The following DCLK3 variants were observed in gnomAD, a reference collection of about 807,000 sequenced individuals.
The protein encoded by DCLK3 is serine/threonine-protein kinase DCLK3.
A neutral mutation model predicts 46.4 loss-of-function variants in DCLK3; 30 were observed. The observed-to-expected ratio is 0.65, with a 90% CI of 0.48 to 0.88. DCLK3 has a LOEUF of 0.88. DCLK3 is among the 40% of genes least tolerant of loss of function. The pLI, the probability that DCLK3 is intolerant of heterozygous loss-of-function variation, is 0.00. For missense variants in DCLK3, 846 were observed against 907.1 expected, an observed-to-expected ratio of 0.93 and a Z score of 0.87; for synonymous variants, 401 against 339.2, an observed-to-expected ratio of 1.18 and a Z score of -2.00.
intron 2 of DCLK3, among the ~76,000 whole-genome samples, chr3:36,726,686 T>C (rs1235917165): frequency 2.0e-5 from 3 of 152,192 alleles, no homozygotes; most frequent in African/African-American, 7.2e-5. Flanking sequence ...TCTTAATTGC[T>C]GAGCCCCAGT....
In DCLK3 at chr3:36,713,804, G is replaced by A. The variant is rs892274199; in HGVS notation, c.*1524C>T. On this transcript the variant is annotated 3_prime_UTR_variant, in exon 5 of 5. Coordinates refer to ENST00000636136, the MANE Select transcript of DCLK3 (RefSeq NM_001394672.2). ...ACCCCCATGGGCAGGTCCGTAGTTGGATGGCCCTTCAGTATTGTCCCTGTT... is the reference window on the plus strand; with the variant it reads ...ACCCCCATGGGCAGGTCCGTAGTTGAATGGCCCTTCAGTATTGTCCCTGTT... 2 of 152,302 alleles carry A rather than the reference G, an allele frequency of 1.3e-5. No homozygotes were observed. Among genetic ancestry groups the A allele is most frequent in the African/African-American group, 4.8e-5 (2 of 41,456 alleles). 9.4% of individuals were successfully genotyped at this position (152,302 alleles called of 1,614,324 possible).
intron 1 of DCLK3, among the ~76,000 whole-genome samples, chr3:36,751,063 T>A (rs2102398): frequency 0.012 from 925 of 76,300 alleles, 4 homozygotes; most frequent in Middle Eastern, 0.031. Flanking sequence ...CGGGATGATC[T>A]AAAAAAAAAA....
At chr3:36,760,793 C>T (rs976513986) in intron 1 of DCLK3, among the ~76,000 whole-genome samples, 3 of 152,190 alleles carry the variant, frequency 2.0e-5, no homozygotes, top group Non-Finnish European at 2.9e-5. Context: ...GGCAGCCAAA[C>T]AGAATCCATT....
At position 36,764,269 on chromosome 3, in the gene DCLK3, G is replaced by A. The variant is rs1701565819; in HGVS notation, c.-6C>T. The A allele has an allele frequency of 2.0e-5, 5 of 245,914 alleles. No individual in the cohort carries two copies. Among genetic ancestry groups the A allele is most frequent in the Admixed American group, 5.6e-5 (1 of 17,944 alleles). The allele number at this position is 245,914 out of a possible 1,614,324, so 15.2% of individuals were successfully genotyped here. On this transcript the variant is annotated 5_prime_UTR_variant, in exon 1 of 5. Transcript: ENST00000636136. This position sits in a 1 kb window ranked among gnomAD's most constrained non-coding sequence, Gnocchi z 4.9. The stretch of plus-strand genomic sequence containing the variant: ...GCTGGAGTGGCGGCGGGCATGGCGC[G>A]GCGGCGGGCTCGGGGAGAGCCTGGA...
rs941481091 is a variant in DCLK3, at chr3:36,713,282, G to T, written c.*2046C>A. ...TAGGAGAAAAAAAAACCAGAAAAAT[G>T]TGACATCATGGTAGTCAACAGGAGA... On this transcript the variant is annotated 3_prime_UTR_variant, in exon 5 of 5. Transcript: ENST00000636136. 1.3e-5 allele frequency: 2 copies of T among 152,202 alleles called. No individual in the cohort carries two copies. The highest frequency in any genetic ancestry group is 4.8e-5 in the African/African-American group (2 of 41,464). 9.4% of individuals were successfully genotyped at this position (152,202 alleles called of 1,614,324 possible). A position where few individuals can be genotyped will look rare whatever the true frequency, so the allele number is the denominator to read the frequency against.
intron 1 of DCLK3, among the ~76,000 whole-genome samples, chr3:36,753,654 TC>T (rs1701462440): frequency 6.6e-6 from 1 of 152,142 alleles, no homozygotes; most frequent in Non-Finnish European, 1.5e-5. Flanking sequence ...TTCAGTTGAT[TC>T]TCAGATGCTT....
intron 3 of DCLK3, 96 bp from the exon 4 acceptor site, chr3:36,718,273 C>T: frequency 1.3e-6 from 2 of 1,550,994 alleles, no homozygotes; most frequent in Non-Finnish European, 1.8e-6. Context: ...CTAAATAGAT[C>T]TAAGTCATAG....
rs151298672 is a variant in DCLK3 at position 36,713,976 on chromosome 3, C to G, written c.*1352G>C. The G allele has an allele frequency of 1.5e-3, 233 of 152,382 alleles. No homozygotes were observed. Among genetic ancestry groups the G allele is most frequent in the African/African-American group, 5.1e-3 (213 of 41,554 alleles). The allele number at this position is 152,382 out of a possible 1,614,324, so 9.4% of individuals were successfully genotyped here. A position where few individuals can be genotyped will look rare whatever the true frequency, so the allele number is the denominator to read the frequency against. On this transcript the variant is annotated 3_prime_UTR_variant, in exon 5 of 5. Coordinates refer to ENST00000636136, the MANE Select transcript of DCLK3 (RefSeq NM_001394672.2). The stretch of plus-strand genomic sequence containing the variant: ...CTGAGAGCCATCATCCAGCAGCACC[C>G]CAAGGAGCTTATTCCCTTCAGTCTT...
In DCLK3 at chr3:36,712,861, C is replaced by T. The variant is rs1051066950; in HGVS notation, c.*2467G>A. 1 of 152,116 alleles carries T rather than the reference C, an allele frequency of 6.6e-6. No individual in the cohort carries two copies. The highest frequency in any genetic ancestry group is 1.5e-5 in the Non-Finnish European group (1 of 68,032). 9.4% of individuals were successfully genotyped at this position (152,116 alleles called of 1,614,324 possible). The stretch of plus-strand genomic sequence containing the variant: ...CAAATCATGCCCATTCAAGATGTTT[C>T]CACTTTGGGGCTACTACAAATAAAG... On this transcript the variant is annotated 3_prime_UTR_variant, in exon 5 of 5. Coordinates refer to ENST00000636136, the MANE Select transcript of DCLK3 (RefSeq NM_001394672.2).
At position 36,722,051 on chromosome 3, in the gene DCLK3, G is replaced by T. The variant is rs1701068111; in HGVS notation, c.1960-392C>A. Reference sequence around the variant, plus strand: ...ACACACTTCCATTGTTGCAGAAAGGGCTATTAGACAGCATTGACTTAGAAC... The same window carrying T: ...ACACACTTCCATTGTTGCAGAAAGGTCTATTAGACAGCATTGACTTAGAAC... On this transcript the variant is annotated intron_variant, in intron 2 of 4. Transcript: ENST00000636136. 2.6e-5 allele frequency among the ~76,000 whole-genome samples: 4 copies of T among 152,164 alleles called. No homozygotes were observed. The South Asian group carries it at 6.2e-4, about 24-fold the overall frequency.
chr3:36,754,509 C>T (rs577646787), intron 1 of DCLK3, among the ~76,000 whole-genome samples: 98 of 152,186 alleles, frequency 6.4e-4, no homozygotes, highest in East Asian at 1.9e-3. Flanking sequence ...TTATCCAGAC[C>T]GAAAACGTAA....
intron 1 of DCLK3, among the ~76,000 whole-genome samples, chr3:36,762,088 T>C (rs1436787066): frequency 6.6e-6 from 1 of 152,190 alleles, no homozygotes; most frequent in Non-Finnish European, 1.5e-5. Flanking sequence ...ACCATGATCA[T>C]TGAGTACTGT....
At chr3:36,729,259 G>T (rs911002135) in intron 2 of DCLK3, among the ~76,000 whole-genome samples, 1 of 142,578 alleles carries the variant, frequency 7.0e-6, no homozygotes, top group African/African-American at 2.5e-5. Flanking sequence ...GGGGGGGGGG[G>T]GTACAAAAGC....
chr3:36,751,362 C>T (rs886274452), intron 1 of DCLK3, among the ~76,000 whole-genome samples: 2 of 152,168 alleles, frequency 1.3e-5, no homozygotes, highest in Non-Finnish European at 2.9e-5. Context: ...TCTGCATGGC[C>T]CCCACTAGCC....
chr3:36,733,088 G>A lies in DCLK3; in HGVS notation c.1959+4120C>T, dbSNP rs148202859. Among the ~76,000 whole-genome samples, 43 of 152,258 alleles carry A rather than the reference G, an allele frequency of 2.8e-4. No individual in the cohort carries two copies. In the East Asian group the frequency reaches 7.5e-3, roughly 27 times the overall value. ...CACCAGTAAATATACAGACAAGCCCGTTTCTTCCTAGAACCAGCAGGAGGC... is the reference window on the plus strand; with the variant it reads ...CACCAGTAAATATACAGACAAGCCCATTTCTTCCTAGAACCAGCAGGAGGC... On this transcript the variant is annotated intron_variant, in intron 2 of 4. Transcript: ENST00000636136.
intron 1 of DCLK3, among the ~76,000 whole-genome samples, chr3:36,750,297 G>C (rs191319510): frequency 3.3e-5 from 5 of 152,250 alleles, no homozygotes; most frequent in African/African-American, 4.8e-5. Flanking sequence ...GGCCAGCCTG[G>C]TCTCAAACTC....
Position 36,724,897 on chromosome 3 carries a change from TG to T in DCLK3, c.1960-3239del, listed in dbSNP as rs530025641. The stretch of plus-strand genomic sequence containing the variant: ...AAATACAGGCCCTCATTTGGAGGGG[TG>T]GGGGATTAAGAATCAAACAGGCCAG... On this transcript the variant is annotated intron_variant, in intron 2 of 4. Coordinates refer to ENST00000636136, the MANE Select transcript of DCLK3 (RefSeq NM_001394672.2). Among the ~76,000 whole-genome samples the T allele has an allele frequency of 4.3e-4, 64 of 149,584 alleles. No individual in the cohort carries two copies. In the South Asian group the frequency reaches 0.013, roughly 30 times the overall value.
At chr3:36,727,969 T>C (rs1187288811) in intron 2 of DCLK3, among the ~76,000 whole-genome samples, 1 of 152,230 alleles carries the variant, frequency 6.6e-6, no homozygotes, top group Non-Finnish European at 1.5e-5. Context: ...CCAGAATCTG[T>C]GGGACATCTG....
intron 1 of DCLK3, among the ~76,000 whole-genome samples, chr3:36,747,136 G>GTA (rs1419317772): frequency 1.3e-5 from 2 of 152,146 alleles, no homozygotes; most frequent in Admixed American, 6.5e-5. Flanking sequence ...TTTCTGTACA[G>GTA]TATATAGAAG....
Sources: gnomAD v4.1 joint callset for allele counts (sites outside exome capture counted in the v4.1 genomes callset) on GRCh38, gnomAD v4.1.1 for gene constraint, Gnocchi (gnomAD v3.1) non-coding constraint, MANE v1.5 for transcripts, NCBI Gene and HGNC (gene_info 2026-07-23, HGNC 2026-07-21) for gene names.